PDE3A: variants seen among roughly 807,000 people sequenced by gnomAD.
PDE3A encodes the protein cGMP-inhibited 3',5'-cyclic phosphodiesterase 3A.
Under a neutral mutation model 98.3 loss-of-function variants are expected in PDE3A, and 43 were observed. The observed-to-expected ratio is 0.44, with a 90% CI of 0.34 to 0.56. The LOEUF (loss-of-function observed/expected upper bound fraction) is 0.56. Among genes scored for constraint, PDE3A ranks in the 20% least tolerant of loss-of-function variants. The pLI, the probability that PDE3A is intolerant of heterozygous loss-of-function variation, is 0.01. For missense variants in PDE3A, 1,427 were observed against 1,440.7 expected, an observed-to-expected ratio of 0.99 and a Z score of 0.15; for synonymous variants, 663 against 567.9, an observed-to-expected ratio of 1.17 and a Z score of -2.38.
At chr12:20,588,442 C>T (rs1943241123) in intron 2 of PDE3A, among the ~76,000 whole-genome samples, 1 of 152,112 alleles carries the variant, frequency 6.6e-6, no homozygotes, top group Admixed American at 6.5e-5. Flanking sequence ...TCAATTAGGA[C>T]TATAATGTGA....
At chr12:20,604,149 A>G (rs571599029) in intron 2 of PDE3A, among the ~76,000 whole-genome samples, 1 of 151,256 alleles carries the variant, frequency 6.6e-6, no homozygotes, top group South Asian at 2.1e-4. Context: ...AGCCTGGGCC[A>G]TAGAGCGAGA....
intron 9 of PDE3A, among the ~76,000 whole-genome samples, chr12:20,637,815 GT>G (rs930658527): frequency 6.6e-6 from 1 of 152,030 alleles, no homozygotes; most frequent in Non-Finnish European, 1.5e-5. Context: ...ATAATTACTT[GT>G]TTTGCTGAAG....
At chr12:20,383,322 C>T (rs1482510946) in intron 1 of PDE3A, among the ~76,000 whole-genome samples, 1 of 151,880 alleles carries the variant, frequency 6.6e-6, no homozygotes, top group Non-Finnish European at 1.5e-5. Context: ...AAATATCAGT[C>T]ATTCCCAACC....
chr12:20,420,011 C>A (rs888096787), intron 1 of PDE3A, among the ~76,000 whole-genome samples: 6 of 151,976 alleles, frequency 3.9e-5, no homozygotes, highest in Admixed American at 1.3e-4. Context: ...CAGAGCCAAA[C>A]CGTATCGAAT....
chr12:20,524,900 T>G (rs1300984910), intron 1 of PDE3A, among the ~76,000 whole-genome samples: 1 of 152,040 alleles, frequency 6.6e-6, no homozygotes, highest in Non-Finnish European at 1.5e-5. Flanking sequence ...TTTGGGAGAC[T>G]GAGGCGGGTG....
chr12:20,642,433 G>T (rs1944665890), intron 10 of PDE3A, among the ~76,000 whole-genome samples: 1 of 152,126 alleles, frequency 6.6e-6, no homozygotes, highest in Non-Finnish European at 1.5e-5. Context: ...TTAATGTATG[G>T]TGAATACCCA....
chr12:20,467,115 A>AT (rs1175795662), intron 1 of PDE3A, among the ~76,000 whole-genome samples: 1 of 152,030 alleles, frequency 6.6e-6, no homozygotes, highest in Non-Finnish European at 1.5e-5. Context: ...AGGTACATTA[A>AT]TTTTTTCTAT....
At chr12:20,564,752 A>G (rs1012876105) in intron 2 of PDE3A, among the ~76,000 whole-genome samples, 1 of 152,148 alleles carries the variant, frequency 6.6e-6, no homozygotes, top group African/African-American at 2.4e-5. Flanking sequence ...TGCCACTGGC[A>G]TTTATGCTTT....
intron 1 of PDE3A, among the ~76,000 whole-genome samples, chr12:20,392,599 C>CA (rs1421478691): frequency 6.6e-6 from 1 of 151,760 alleles, no homozygotes; most frequent in African/African-American, 2.4e-5. Flanking sequence ...GGAGGTTCCT[C>CA]AAAAAACTAA....
At chr12:20,469,671 T>C (rs1945402925) in intron 1 of PDE3A, among the ~76,000 whole-genome samples, 1 of 152,230 alleles carries the variant, frequency 6.6e-6, no homozygotes, top group Non-Finnish European at 1.5e-5. Flanking sequence ...CATGGGTGCC[T>C]TTATATGTTT....
At chr12:20,412,523 A>T (rs1237039288) in intron 1 of PDE3A, among the ~76,000 whole-genome samples, 1 of 152,150 alleles carries the variant, frequency 6.6e-6, no homozygotes, top group Non-Finnish European at 1.5e-5. Flanking sequence ...CAATTGTTAG[A>T]TACATATGTA....
In PDE3A at chr12:20,548,784, C is replaced by G. The variant is rs1942125217; in HGVS notation, c.961-7876C>G. On this transcript the variant is annotated intron_variant, in intron 1 of 15. Transcript: ENST00000359062. ...GCCCATTAACGTCTTTTATCTGCTA[C>G]TATGATAATGTCAAATGATTACTTT... Among the ~76,000 whole-genome samples, 4 of 152,108 alleles carry G rather than the reference C, an allele frequency of 2.6e-5. No individual in the cohort carries two copies. The South Asian group carries it at 8.3e-4, about 31-fold the overall frequency.
intron 15 of PDE3A, among the ~76,000 whole-genome samples, chr12:20,664,439 A>T (rs1022413154): frequency 1.3e-5 from 2 of 152,132 alleles, no homozygotes; most frequent in African/African-American, 4.8e-5. Context: ...CTCTACTCAG[A>T]GGTCTTCCAG....
At chr12:20,512,898 A>G (rs1274780743) in intron 1 of PDE3A, among the ~76,000 whole-genome samples, 1 of 152,194 alleles carries the variant, frequency 6.6e-6, no homozygotes, top group Non-Finnish European at 1.5e-5. Flanking sequence ...TTATATAAAT[A>G]TAACCATTCA....
At chr12:20,531,644 A>C (rs1472643556) in intron 1 of PDE3A, among the ~76,000 whole-genome samples, 14 of 152,288 alleles carry the variant, frequency 9.2e-5, no homozygotes. Flanking sequence ...CTGAGACTTA[A>C]AACTTAGTGT....
In PDE3A at chr12:20,680,649, A is replaced by G. The variant is rs756956696; in HGVS notation, c.*378A>G. ...GTAACATTTATATTAAGATATATAT[A>G]TAGTGGTCACTGTGATATAATAAAT... On this transcript the variant is annotated 3_prime_UTR_variant, in exon 16 of 16. Transcript: ENST00000359062. The G allele has an allele frequency of 3.7e-4, 60 of 160,658 alleles. No homozygotes were observed. In the Middle Eastern group the frequency reaches 8.9e-3, roughly 24 times the overall value. 10.0% of individuals were successfully genotyped at this position (160,658 alleles called of 1,614,324 possible). A position where few individuals can be genotyped will look rare whatever the true frequency, so the allele number is the denominator to read the frequency against.
chr12:20,496,663 G>A (rs1456520017), intron 1 of PDE3A, among the ~76,000 whole-genome samples: 2 of 152,118 alleles, frequency 1.3e-5, no homozygotes, highest in African/African-American at 4.8e-5. Flanking sequence ...CCAAAATTAA[G>A]TGCCTGACTT....
At position 20,648,683 on chromosome 12, in the gene PDE3A, C is replaced by T; in HGVS notation, c.2566-5C>T. Reference sequence around the variant, plus strand: ...GTTGAACTCTTAACTGTCTTATTTGCCTAGGCGGTGCTATATAACGATCGT... The same window carrying T: ...GTTGAACTCTTAACTGTCTTATTTGTCTAGGCGGTGCTATATAACGATCGT... On this transcript the variant is annotated splice_polypyrimidine_tract_variant and splice_region_variant and intron_variant, in intron 12 of 15. Transcript: ENST00000359062. 1 of 1,584,070 alleles carries T rather than the reference C, an allele frequency of 6.3e-7. No individual in the cohort carries two copies. The highest frequency in any genetic ancestry group is 8.7e-7 in the Non-Finnish European group (1 of 1,153,042).
rs186125276 is a variant in PDE3A, at chr12:20,533,300, A to T, written c.961-23360A>T. ...TTATTCAACTTCTTTAAGTAAGTAA[A>T]ATTCCACCTCAGAAATGGTTATCCA... On this transcript the variant is annotated intron_variant, in intron 1 of 15. Transcript: ENST00000359062. Among the ~76,000 whole-genome samples, 113 of 152,084 alleles carry T rather than the reference A, an allele frequency of 7.4e-4. 1 individual carries two copies. The highest frequency in any genetic ancestry group is 3.2e-4 in the Non-Finnish European group (22 of 67,982).
Sources: allele counts gnomAD v4.1 joint callset (sites outside exome capture counted in the v4.1 genomes callset), GRCh38; gene constraint gnomAD v4.1.1; transcripts MANE v1.5; gene names NCBI Gene and HGNC (gene_info 2026-07-23, HGNC 2026-07-21).